Variants in YIPF4 observed in about 807,000 individuals in gnomAD.
YIPF4 encodes the protein Yip1 domain family member 4.
In YIPF4, 18 loss-of-function variants were observed where a neutral mutation model predicts 29.4. The observed-to-expected ratio is 0.61, with a 90% CI of 0.42 to 0.91. YIPF4 has a LOEUF of 0.91. Ranked by LOEUF, YIPF4 falls within the 40% of genes least tolerant of loss-of-function variation. The pLI, the probability that YIPF4 is intolerant of heterozygous loss-of-function variation, is 0.00. For synonymous variants in YIPF4, 115 were observed against 104.7 expected (o/e 1.10, Z -0.60); for missense variants, 279 against 282.7 (o/e 0.99, Z 0.09).
chr2:32,291,012 A>G (rs1462578852), intron 2 of YIPF4: 1 of 152,684 alleles, frequency 6.5e-6, no homozygotes, highest in Non-Finnish European at 1.5e-5. Context: ...AATCTCTTCA[A>G]CATAGAAATT....
At chr2:32,291,951 A>G (rs1558476914) in intron 2 of YIPF4, among the ~76,000 whole-genome samples, 1 of 152,204 alleles carries the variant, frequency 6.6e-6, no homozygotes, top group Non-Finnish European at 1.5e-5. Flanking sequence ...CTCCAGGCTG[A>G]CGATTGTAAG....
At chr2:32,301,825 C>A (rs2031414905) in intron 5 of YIPF4, among the ~76,000 whole-genome samples, 1 of 151,956 alleles carries the variant, frequency 6.6e-6, no homozygotes, top group African/African-American at 2.4e-5. Context: ...CCTGCCTCAG[C>A]CTTCCTAGTA....
At chr2:32,294,096 A>G (rs1167540687) in intron 3 of YIPF4, among the ~76,000 whole-genome samples, 99 of 124,884 alleles carry the variant, frequency 7.9e-4, no homozygotes, top group Middle Eastern at 6.3e-3. Flanking sequence ...CCTCCCGGAC[A>G]GGGTGGCTGG....
intron 1 of YIPF4, among the ~76,000 whole-genome samples, chr2:32,287,637 T>C (rs994408382): frequency 3.9e-5 from 6 of 152,158 alleles, no homozygotes; most frequent in African/African-American, 1.4e-4. Context: ...AGCAGAAGAT[T>C]CAGAGAAAGG....
At position 32,307,698 on chromosome 2, in the gene YIPF4, T is replaced by A. The variant is rs1176460634; in HGVS notation, c.*2072T>A. The stretch of plus-strand genomic sequence containing the variant: ...ATCCCAGCACTTTGGGAGGCCAAAG[T>A]GGATGAGCAGCTTGAGTCAGGAGTT... On this transcript the variant is annotated 3_prime_UTR_variant, in exon 6 of 6. Transcript: ENST00000238831. 3 of 152,012 alleles carry A rather than the reference T, an allele frequency of 2.0e-5. No homozygotes were observed. Among genetic ancestry groups the A allele is most frequent in the Non-Finnish European group, 4.4e-5 (3 of 68,098 alleles). The allele number at this position is 152,012 out of a possible 1,614,324, so 9.4% of individuals were successfully genotyped here.
rs2031582508 is a variant in YIPF4, at chr2:32,306,368, T to C, written c.*742T>C. On this transcript the variant is annotated 3_prime_UTR_variant, in exon 6 of 6. Transcript: ENST00000238831. ...TCTGATTTAAAGTTTCTGTTTATCT[T>C]TCTGACCAAAGGAGCAAGAGGTATA... 1 of 985,780 alleles carries C rather than the reference T, an allele frequency of 1.0e-6. No homozygotes were observed. Among genetic ancestry groups the C allele is most frequent in the African/African-American group, 1.7e-5 (1 of 57,362 alleles). The allele number at this position is 985,780 out of a possible 1,614,324, so 61.1% of individuals were successfully genotyped here. A position where few individuals can be genotyped will look rare whatever the true frequency, so the allele number is the denominator to read the frequency against.
chr2:32,303,028 A>G (rs190883275), intron 5 of YIPF4, among the ~76,000 whole-genome samples: 19 of 152,298 alleles, frequency 1.2e-4, no homozygotes, highest in Non-Finnish European at 2.6e-4. Flanking sequence ...GTTCTTAACA[A>G]TGGTAAACTT....
chr2:32,312,847 C>G lies in YIPF4; in HGVS notation c.*7221C>G, dbSNP rs183256918. The G allele has an allele frequency of 1.3e-5, 2 of 152,154 alleles. No individual in the cohort carries two copies. Among genetic ancestry groups the G allele is most frequent in the Non-Finnish European group, 2.9e-5 (2 of 68,126 alleles). 9.4% of individuals were successfully genotyped at this position (152,154 alleles called of 1,614,324 possible). A position where few individuals can be genotyped will look rare whatever the true frequency, so the allele number is the denominator to read the frequency against. On this transcript the variant is annotated 3_prime_UTR_variant, in exon 6 of 6. Transcript: ENST00000238831. The stretch of plus-strand genomic sequence containing the variant: ...CTCTACTAAAAATACAAAATTTAGC[C>G]GGGCGTGGTAGCAGGCGCCTGTAGT...
chr2:32,311,338 T>C lies in YIPF4; in HGVS notation c.*5712T>C, dbSNP rs942678064. 1.6e-4 allele frequency: 24 copies of C among 152,352 alleles called. No individual in the cohort carries two copies. The highest frequency in any genetic ancestry group is 5.5e-4 in the African/African-American group (23 of 41,584). 9.4% of individuals were successfully genotyped at this position (152,352 alleles called of 1,614,324 possible). A position where few individuals can be genotyped will look rare whatever the true frequency, so the allele number is the denominator to read the frequency against. Reference sequence around the variant, plus strand: ...TATTAAACATGAAATTTAGGATTAGTTTTCTCTTTGAAAATTCTTTTGATA... The same window carrying C: ...TATTAAACATGAAATTTAGGATTAGCTTTCTCTTTGAAAATTCTTTTGATA... On this transcript the variant is annotated 3_prime_UTR_variant, in exon 6 of 6. Coordinates refer to ENST00000238831, the MANE Select transcript of YIPF4 (RefSeq NM_032312.4).
intron 1 of YIPF4, among the ~76,000 whole-genome samples, chr2:32,285,242 C>T (rs1325042001): frequency 2.0e-5 from 3 of 152,064 alleles, no homozygotes; most frequent in Admixed American, 6.6e-5. Context: ...AAGCTTCTAG[C>T]TTACAATGCT....
chr2:32,316,059 T>C lies in YIPF4; in HGVS notation c.*10433T>C, dbSNP rs1016020541. ...AAAAAAACCAAAAAAAAAAAAAAAGTATAAAGCACAGAAGCGAAAGGAAAA... is the reference window on the plus strand; with the variant it reads ...AAAAAAACCAAAAAAAAAAAAAAAGCATAAAGCACAGAAGCGAAAGGAAAA... On this transcript the variant is annotated 3_prime_UTR_variant, in exon 6 of 6. Coordinates refer to ENST00000238831, the MANE Select transcript of YIPF4 (RefSeq NM_032312.4). 1.5e-5 allele frequency: 2 copies of C among 134,068 alleles called. No individual in the cohort carries two copies. Among genetic ancestry groups the C allele is most frequent in the African/African-American group, 5.6e-5 (2 of 35,558 alleles). The allele number at this position is 134,068 out of a possible 1,614,324, so 8.3% of individuals were successfully genotyped here. A position where few individuals can be genotyped will look rare whatever the true frequency, so the allele number is the denominator to read the frequency against.
chr2:32,283,908 C>T (rs957673569), intron 1 of YIPF4, among the ~76,000 whole-genome samples: 5 of 151,856 alleles, frequency 3.3e-5, no homozygotes. Context: ...TTAATAGAGA[C>T]GGGGTTTTAC....
At chr2:32,294,458 C>A (rs1405670446) in intron 3 of YIPF4, among the ~76,000 whole-genome samples, 6 of 151,830 alleles carry the variant, frequency 4.0e-5, no homozygotes, top group Admixed American at 2.6e-4. Flanking sequence ...CTCCCCACAT[C>A]TCAGACGATG....
intron 3 of YIPF4, among the ~76,000 whole-genome samples, chr2:32,294,206 C>G (rs2031067174): frequency 6.6e-6 from 1 of 152,192 alleles, no homozygotes; most frequent in Non-Finnish European, 1.5e-5. Context: ...GGCTGCCAGG[C>G]AGAGACACTC....
At chr2:32,288,748 T>C (rs2030788174) in intron 1 of YIPF4, among the ~76,000 whole-genome samples, 1 of 152,166 alleles carries the variant, frequency 6.6e-6, no homozygotes, top group African/African-American at 2.4e-5. Flanking sequence ...AGGTGGAGGT[T>C]GCAGTGAGCC....
At chr2:32,283,675 G>T (rs754615487) in intron 1 of YIPF4, among the ~76,000 whole-genome samples, 1 of 151,372 alleles carries the variant, frequency 6.6e-6, no homozygotes. Context: ...TATCACAAAA[G>T]AATTATTTGT....
At chr2:32,303,776 C>G (rs897630824) in intron 5 of YIPF4, among the ~76,000 whole-genome samples, 6 of 152,192 alleles carry the variant, frequency 3.9e-5, no homozygotes, top group African/African-American at 1.4e-4. Flanking sequence ...CAGTATAACC[C>G]TAAAGCCTTT....
Position 32,285,679 on chromosome 2 carries a change from G to C in YIPF4, c.80-4804G>C, listed in dbSNP as rs189380014. Among the ~76,000 whole-genome samples, 53 of 147,978 alleles carry C rather than the reference G, an allele frequency of 3.6e-4. 1 individual carries two copies. Among genetic ancestry groups the C allele is most frequent in the African/African-American group, 1.2e-3 (49 of 40,110 alleles). On this transcript the variant is annotated intron_variant, in intron 1 of 5. Transcript: ENST00000238831. ...TCCTTTTTTTTTTTTTTTTGGAGAC[G>C]GAGTCTTGCTGTGTCACCCAGGCTA... is the stretch of plus-strand genomic sequence containing the variant.
In YIPF4 at chr2:32,308,495, C is replaced by CGAGAT. The variant is rs2031643566; in HGVS notation, c.*2869_*2870insGAGAT. The CGAGAT allele has an allele frequency of 6.6e-6, 1 of 152,162 alleles. No homozygotes were observed. The highest frequency in any genetic ancestry group is 2.4e-5 in the African/African-American group (1 of 41,370). 9.4% of individuals were successfully genotyped at this position (152,162 alleles called of 1,614,324 possible). A position where few individuals can be genotyped will look rare whatever the true frequency, so the allele number is the denominator to read the frequency against. On this transcript the variant is annotated 3_prime_UTR_variant, in exon 6 of 6. Transcript: ENST00000238831. ...TTGGGAGGCCGAGGCAGGTGGATCACCTGAGGTTGGGAGTTTGAGACCAGC... is the reference window on the plus strand; with the variant it reads ...TTGGGAGGCCGAGGCAGGTGGATCACGAGATCTGAGGTTGGGAGTTTGAGACCAGC...
Sources: gnomAD v4.1 joint callset for allele counts (sites outside exome capture counted in the v4.1 genomes callset) on GRCh38, gnomAD v4.1.1 for gene constraint, MANE v1.5 for transcripts, NCBI Gene and HGNC (gene_info 2026-07-23, HGNC 2026-07-21) for gene names.